Variants in PDS5B observed in about 807,000 individuals in gnomAD.
The protein encoded by PDS5B is sister chromatid cohesion protein PDS5 homolog B.
PDS5B carries 51 observed loss-of-function variants against 184.1 expected under a neutral mutation model. That is an observed-to-expected ratio of 0.28 (90% CI 0.22 to 0.35). The LOEUF is 0.35. Among genes scored for constraint, PDS5B ranks in the 10% least tolerant of loss-of-function variants. PDS5B has a pLI of 1.00. For synonymous variants in PDS5B, 566 were observed against 569.2 expected, an observed-to-expected ratio of 0.99 and a Z score of 0.08; for missense variants, 1,180 against 1,723.3, an observed-to-expected ratio of 0.68 and a Z score of 5.58.
chr13:32,775,421 G>T lies in PDS5B; in HGVS notation c.*369G>T, dbSNP rs1280558259. ...TTTATTGGATCTATTGATTTGAAAA[G>T]AATTTGTTAGGATAGATCTTAAGCA... is the stretch of plus-strand genomic sequence containing the variant. On this transcript the variant is annotated 3_prime_UTR_variant, in exon 35 of 35. Coordinates refer to ENST00000315596, the MANE Select transcript of PDS5B (RefSeq NM_015032.4). 2.6e-5 allele frequency: 8 copies of T among 310,628 alleles called. No individual in the cohort carries two copies. The highest frequency in any genetic ancestry group is 3.7e-5 in the Non-Finnish European group (6 of 160,710). The allele number at this position is 310,628 out of a possible 1,614,324, so 19.2% of individuals were successfully genotyped here.
chr13:32,619,033 A>G (rs1054136992), intron 1 of PDS5B, among the ~76,000 whole-genome samples: 38 of 152,084 alleles, frequency 2.5e-4, no homozygotes, highest in Admixed American at 2.4e-3. Context: ...GTCATACCAC[A>G]CTTCCTTAAT....
chr13:32,760,468 A>G (rs986878739), intron 29 of PDS5B, 107 bp from the exon 30 acceptor site: 20 of 1,042,916 alleles, frequency 1.9e-5, no homozygotes, highest in Non-Finnish European at 2.5e-5. Context: ...CACATTTTTC[A>G]TGATTTGTAA....
rs570023499 is a variant in PDS5B at position 32,681,268 on chromosome 13, C to G, written c.1057+2339C>G. Among the ~76,000 whole-genome samples the G allele has an allele frequency of 7.2e-5, 11 of 152,238 alleles. No individual in the cohort carries two copies. In the South Asian group the frequency reaches 2.3e-3, roughly 32 times the overall value. On this transcript the variant is annotated intron_variant, in intron 10 of 34. Coordinates refer to ENST00000315596, the MANE Select transcript of PDS5B (RefSeq NM_015032.4). ...TGATGGCAGGTTTCAGAGGTTTTCA[C>G]TGCTAGATAAAGTGATAAAAGTATA... is the stretch of plus-strand genomic sequence containing the variant.
At chr13:32,720,045 G>C (rs56080053) in intron 19 of PDS5B, among the ~76,000 whole-genome samples, 57,827 of 151,844 alleles carry the variant, frequency 0.38, 11,458 homozygotes, top group Non-Finnish European at 0.44. Flanking sequence ...TAATCTGTCC[G>C]CCTTGGCCTC....
intron 18 of PDS5B, among the ~76,000 whole-genome samples, chr13:32,707,602 A>G (rs1952068191): frequency 7.3e-6 from 1 of 136,454 alleles, no homozygotes. Context: ...GTTTTTCAAG[A>G]GTTTTTTTTT....
chr13:32,654,526 C>A lies in PDS5B; in HGVS notation c.312+2519C>A, dbSNP rs563343362. On this transcript the variant is annotated intron_variant, in intron 3 of 34. Coordinates refer to ENST00000315596, the MANE Select transcript of PDS5B (RefSeq NM_015032.4). ...AAGTAACTTTTTTTGTTTTAAGTAACCTTTTTTTTTAAAAAATTGTGTTTT... is the reference window on the plus strand; with the variant it reads ...AAGTAACTTTTTTTGTTTTAAGTAAACTTTTTTTTTAAAAAATTGTGTTTT... Among the ~76,000 whole-genome samples the A allele has an allele frequency of 3.9e-5, 6 of 152,132 alleles. No individual in the cohort carries two copies. The East Asian group carries it at 7.7e-4, about 20-fold the overall frequency.
intron 1 of PDS5B, among the ~76,000 whole-genome samples, chr13:32,601,360 C>T (rs2057972119): frequency 6.6e-6 from 1 of 152,336 alleles, no homozygotes; most frequent in Admixed American, 6.5e-5. Context: ...ACTTAATACA[C>T]ACCTTGTTTT....
chr13:32,707,348 AT>A (rs541250731), intron 18 of PDS5B, among the ~76,000 whole-genome samples: 67 of 150,698 alleles, frequency 4.4e-4, no homozygotes, highest in African/African-American at 1.2e-3. Context: ...TAAAACTCTT[AT>A]TTTTTTTTGT....
intron 23 of PDS5B, among the ~76,000 whole-genome samples, chr13:32,743,003 A>G (rs555075688): frequency 1.4e-4 from 21 of 151,304 alleles, no homozygotes; most frequent in Non-Finnish European, 2.5e-4. Flanking sequence ...GTACCAGTCA[A>G]TAACTGATGT....
chr13:32,627,104 A>G (rs1034192751), intron 1 of PDS5B, among the ~76,000 whole-genome samples: 1 of 152,242 alleles, frequency 6.6e-6, no homozygotes, highest in Non-Finnish European at 1.5e-5. Flanking sequence ...CTCATGTTCA[A>G]GTGGAACTAC....
chr13:32,637,387 A>T (rs1219325953), intron 1 of PDS5B, among the ~76,000 whole-genome samples: 1 of 152,226 alleles, frequency 6.6e-6, no homozygotes, highest in African/African-American at 2.4e-5. Flanking sequence ...CACACTGAAG[A>T]GGGAGAGGAA....
intron 3 of PDS5B, among the ~76,000 whole-genome samples, chr13:32,657,796 G>T (rs1950552647): frequency 6.6e-6 from 1 of 151,936 alleles, no homozygotes; most frequent in South Asian, 2.1e-4. Context: ...GCTTCTCTGT[G>T]GTATCTATTG....
At chr13:32,683,796 C>G in intron 10 of PDS5B, 82 bp from the exon 11 acceptor site, 1 of 878,452 alleles carries the variant, frequency 1.1e-6, no homozygotes, top group Non-Finnish European at 1.8e-6. Flanking sequence ...TTTGCTAGGG[C>G]TTATTTTCAA....
At chr13:32,674,000 A>G (rs913310584) in intron 8 of PDS5B, among the ~76,000 whole-genome samples, 1 of 151,888 alleles carries the variant, frequency 6.6e-6, no homozygotes, top group African/African-American at 2.4e-5. Flanking sequence ...TTTTTGGTAG[A>G]GACAGGGTTT....
At chr13:32,633,431 A>G (rs1309463544) in intron 1 of PDS5B, among the ~76,000 whole-genome samples, 2 of 152,220 alleles carry the variant, frequency 1.3e-5, no homozygotes, top group Non-Finnish European at 2.9e-5. Flanking sequence ...ACAAAAACAA[A>G]ACCAGCTATC....
chr13:32,720,788 C>T (rs537479504), intron 19 of PDS5B, among the ~76,000 whole-genome samples: 178 of 151,850 alleles, frequency 1.2e-3, no homozygotes, highest in Middle Eastern at 6.8e-3. Flanking sequence ...GAGGACCCTG[C>T]GGCCTTCCGC....
At chr13:32,751,835 T>C (rs1364319125) in intron 24 of PDS5B, among the ~76,000 whole-genome samples, 1 of 152,232 alleles carries the variant, frequency 6.6e-6, no homozygotes, top group African/African-American at 2.4e-5. Flanking sequence ...TTTGTTTCTT[T>C]TGCTGTGCAG....
chr13:32,598,538 C>G (rs950036401), intron 1 of PDS5B, among the ~76,000 whole-genome samples: 1 of 151,684 alleles, frequency 6.6e-6, no homozygotes, highest in African/African-American at 2.4e-5. Context: ...AGTGGTGTAC[C>G]CAGTTCACTG....
At chr13:32,658,667 C>CAT (rs1234291291) in intron 5 of PDS5B, 136 bp downstream of exon 5, 2 of 545,740 alleles carry the variant, frequency 3.7e-6, no homozygotes, top group Admixed American at 3.6e-5. Context: ...TATTTTTATA[C>CAT]ATGTTTCAAA....
Sources: gnomAD v4.1 joint callset for allele counts (sites outside exome capture counted in the v4.1 genomes callset) on GRCh38, gnomAD v4.1.1 for gene constraint, MANE v1.5 for transcripts, NCBI Gene and HGNC (gene_info 2026-07-23, HGNC 2026-07-21) for gene names.